Variants in NRCAM observed in about 807,000 individuals in gnomAD.
NRCAM encodes neuronal cell adhesion molecule, also known as NgCAM-related cell adhesion molecule.
In NRCAM, 83 loss-of-function variants were observed where a neutral mutation model predicts 156.5. The observed-to-expected ratio is 0.53, with a 90% CI of 0.44 to 0.64. The LOEUF (loss-of-function observed/expected upper bound fraction) is 0.64, where lower values mean the gene tolerates loss of function less well. Ranked by LOEUF, NRCAM falls within the 30% of genes least tolerant of loss-of-function variation. The pLI is 0.00. For synonymous variants in NRCAM, 538 were observed against 563.9 expected, an observed-to-expected ratio of 0.95 and a Z score of 0.65; for missense variants, 1,417 against 1,597.3, an observed-to-expected ratio of 0.89 and a Z score of 1.92.
chr7:108,179,146 TC>T (rs2062170165), intron 25 of NRCAM, among the ~76,000 whole-genome samples: 1 of 152,054 alleles, frequency 6.6e-6, no homozygotes, highest in African/African-American at 2.4e-5. Context: ...CCATAAACAC[TC>T]CCTGGAAAAA....
chr7:108,332,209 G>A (rs1195737689), intron 2 of NRCAM, among the ~76,000 whole-genome samples: 1 of 152,208 alleles, frequency 6.6e-6, no homozygotes, highest in African/African-American at 2.4e-5. Flanking sequence ...TGATGGCACA[G>A]CAGACTGACA....
chr7:108,225,713 A>G lies in NRCAM; in HGVS notation c.722-12T>C. The G allele has an allele frequency of 4.5e-6, 7 of 1,567,280 alleles. No homozygotes were observed. The highest frequency in any genetic ancestry group is 6.2e-6 in the Non-Finnish European group (7 of 1,137,592). On this transcript the variant is annotated splice_polypyrimidine_tract_variant and intron_variant, in intron 9 of 32. Transcript: ENST00000379028. ...ATTCAATTCATCCACTGAAATAAAC[A>G]GAATATTATGAAGAGGGCATAAAAG...
intron 32 of NRCAM, 112 bp downstream of exon 32, chr7:108,159,351 C>G (rs571772253): frequency 1.4e-5 from 13 of 902,866 alleles, no homozygotes; most frequent in Admixed American, 5.3e-5. Context: ...CCCTAAACTT[C>G]TATTTGAGGA....
Position 108,255,437 on chromosome 7 carries a change from G to A in NRCAM, c.-106-15267C>T, listed in dbSNP as rs1480988418. On this transcript the variant is annotated intron_variant, in intron 3 of 32. Coordinates refer to ENST00000379028, the MANE Select transcript of NRCAM (RefSeq NM_001037132.4). The stretch of plus-strand genomic sequence containing the variant: ...CCCACCTGGGCCTCCCGAGGTGCCG[G>A]GATTGCAGACGGAGTCTCGCTCACT... Among the ~76,000 whole-genome samples, 4 of 152,214 alleles carry A rather than the reference G, an allele frequency of 2.6e-5. No homozygotes were observed. In the East Asian group the frequency reaches 5.8e-4, roughly 22 times the overall value.
intron 13 of NRCAM, among the ~76,000 whole-genome samples, chr7:108,203,853 T>C (rs1166172208): frequency 6.6e-6 from 1 of 152,216 alleles, no homozygotes; most frequent in African/African-American, 2.4e-5. Context: ...TAGAAAGTGC[T>C]GTCAGCAAGC....
At chr7:108,195,016 G>GT (rs1382837084) in intron 15 of NRCAM, among the ~76,000 whole-genome samples, 2 of 152,130 alleles carry the variant, frequency 1.3e-5, no homozygotes, top group Non-Finnish European at 2.9e-5. Context: ...GGAAGACCTG[G>GT]TGCAACAAGT....
chr7:108,404,260 C>CTT (rs1420697134), intron 1 of NRCAM, among the ~76,000 whole-genome samples: 1 of 122,566 alleles, frequency 8.2e-6, no homozygotes, highest in Non-Finnish European at 1.8e-5. Context: ...GCTTCCTTCT[C>CTT]AGTTGTGCTG....
intron 3 of NRCAM, among the ~76,000 whole-genome samples, chr7:108,265,722 A>G (rs1416554911): frequency 6.6e-6 from 1 of 152,244 alleles, no homozygotes; most frequent in African/African-American, 2.4e-5. Flanking sequence ...TTATTAACAT[A>G]TAATGGTTTG....
chr7:108,229,883 CAG>C (rs1474947786), intron 8 of NRCAM, among the ~76,000 whole-genome samples: 3 of 152,118 alleles, frequency 2.0e-5, no homozygotes, highest in Non-Finnish European at 2.9e-5. Context: ...AGGACAGAAA[CAG>C]GGGTAGACAA....
intron 2 of NRCAM, among the ~76,000 whole-genome samples, chr7:108,352,145 T>C (rs2099417635): frequency 6.6e-6 from 1 of 152,236 alleles, no homozygotes; most frequent in African/African-American, 2.4e-5. Flanking sequence ...AGATGACTTA[T>C]TTCTACACAG....
At chr7:108,211,074 C>T (rs1450782880) in intron 11 of NRCAM, among the ~76,000 whole-genome samples, 1 of 152,216 alleles carries the variant, frequency 6.6e-6, no homozygotes, top group African/African-American at 2.4e-5. Flanking sequence ...AATTGGACTG[C>T]TCCTGCAGGA....
chr7:108,308,438 T>C (rs111760891), intron 3 of NRCAM, among the ~76,000 whole-genome samples: 355 of 152,332 alleles, frequency 2.3e-3, no homozygotes, highest in African/African-American at 8.4e-3. Flanking sequence ...CCCTTTGGTG[T>C]ATAAATGCTA....
At chr7:108,337,098 T>C (rs912696711) in intron 2 of NRCAM, among the ~76,000 whole-genome samples, 1 of 152,166 alleles carries the variant, frequency 6.6e-6, no homozygotes, top group Non-Finnish European at 1.5e-5. Flanking sequence ...ACCCCATCTC[T>C]ACTAAAAACA....
chr7:108,383,416 C>T (rs151245238), intron 2 of NRCAM, among the ~76,000 whole-genome samples: 8 of 152,200 alleles, frequency 5.3e-5, no homozygotes, highest in East Asian at 3.9e-4. Context: ...AAATAAGATA[C>T]GGAGAAGGCA....
At chr7:108,191,382 TA>T in intron 18 of NRCAM, 99 bp from the exon 19 acceptor site, 2 of 948,246 alleles carry the variant, frequency 2.1e-6, no homozygotes, top group Non-Finnish European at 1.6e-6. Flanking sequence ...TTCAAGGTTA[TA>T]AAATTAAGCC....
intron 2 of NRCAM, among the ~76,000 whole-genome samples, chr7:108,375,783 T>C (rs1034997175): frequency 2.6e-5 from 4 of 152,200 alleles, no homozygotes; most frequent in African/African-American, 7.2e-5. Flanking sequence ...GCATTTGATA[T>C]GTACAAACAT....
intron 3 of NRCAM, among the ~76,000 whole-genome samples, chr7:108,252,055 A>G (rs941404844): frequency 1.3e-5 from 2 of 152,248 alleles, no homozygotes; most frequent in Non-Finnish European, 1.5e-5. Context: ...GTGGCATCAG[A>G]AAGAGTACCA....
At chr7:108,413,321 A>C (rs753811509) in intron 1 of NRCAM, among the ~76,000 whole-genome samples, 1 of 152,020 alleles carries the variant, frequency 6.6e-6, no homozygotes, top group Non-Finnish European at 1.5e-5. Flanking sequence ...GCCCATTTGT[A>C]TGTCTTCTTC....
chr7:108,371,576 T>C (rs2099628913), intron 2 of NRCAM, among the ~76,000 whole-genome samples: 1 of 152,178 alleles, frequency 6.6e-6, no homozygotes, highest in African/African-American at 2.4e-5. Context: ...TAAAAAAACA[T>C]ATTTTTACAA....
Sources: gnomAD v4.1 joint callset for allele counts (sites outside exome capture counted in the v4.1 genomes callset) on GRCh38, gnomAD v4.1.1 for gene constraint, MANE v1.5 for transcripts, NCBI Gene and HGNC (gene_info 2026-07-23, HGNC 2026-07-21) for gene names.